COL4A4: variants seen among roughly 807,000 people sequenced by gnomAD.
COL4A4 encodes collagen type IV alpha 4 chain, also known as collagen alpha-4(IV) chain.
A neutral mutation model predicts 192.9 loss-of-function variants in COL4A4; 105 were observed. The observed-to-expected ratio is 0.54, with a 90% CI of 0.46 to 0.64. The LOEUF (loss-of-function observed/expected upper bound fraction) is 0.64, where lower values mean the gene tolerates loss of function less well. Ranked by LOEUF, COL4A4 falls within the 30% of genes least tolerant of loss-of-function variation. The probability of loss-of-function intolerance (pLI) is 0.00; values close to 1 mark genes in which losing one functional copy is unlikely to be tolerated. For missense variants in COL4A4, 1,967 were observed against 2,169.3 expected (o/e 0.91, Z 1.85); for synonymous variants, 762 against 769.9 (o/e 0.99, Z 0.17).
intron 4 of COL4A4, among the ~76,000 whole-genome samples, chr2:227,136,221 G>C (rs1285280940): frequency 6.6e-6 from 1 of 152,168 alleles, no homozygotes; most frequent in Non-Finnish European, 1.5e-5. Context: ...AGCAGGGCAG[G>C]ACAAGTACAG....
rs752632630 is a variant in COL4A4, at chr2:227,003,858, G to C, written c.*3467C>G. 66 of 152,144 alleles carry C rather than the reference G, an allele frequency of 4.3e-4. No homozygotes were observed. Among genetic ancestry groups the C allele is most frequent in the Middle Eastern group, 3.2e-3 (1 of 316 alleles). The allele number at this position is 152,144 out of a possible 1,614,324, so 9.4% of individuals were successfully genotyped here. On this transcript the variant is annotated 3_prime_UTR_variant, in exon 48 of 48. Transcript: ENST00000396625. ...AAAACAAAAATCTATTTTTGGAGGGGTGTGATAAGCCCATTTTGAAAGCTT... is the reference window on the plus strand; with the variant it reads ...AAAACAAAAATCTATTTTTGGAGGGCTGTGATAAGCCCATTTTGAAAGCTT...
downstream of COL4A4, among the ~76,000 whole-genome samples, chr2:227,002,168 CAAAAAAAAAA>C (rs55908824): frequency 5.3e-5 from 4 of 76,178 alleles, no homozygotes; most frequent in South Asian, 5.4e-4. Flanking sequence ...GACCCTGTCT[CAAAAAAAAAA>C]AAAAAAAAAA....
Position 227,003,016 on chromosome 2 carries a change from A to G in COL4A4, c.*4309T>C, listed in dbSNP as rs990918221. The G allele has an allele frequency of 6.6e-6, 1 of 152,638 alleles. No individual in the cohort carries two copies. Among genetic ancestry groups the G allele is most frequent in the African/African-American group, 2.4e-5 (1 of 41,448 alleles). The allele number at this position is 152,638 out of a possible 1,614,324, so 9.5% of individuals were successfully genotyped here. A position where few individuals can be genotyped will look rare whatever the true frequency, so the allele number is the denominator to read the frequency against. ...TTTCTAGCAGATGATAACAGTGACA[A>G]TTGCAGAGTACTGATTTTTAATGTC... On this transcript the variant is annotated 3_prime_UTR_variant, in exon 48 of 48. Transcript: ENST00000396625.
At position 227,008,112 on chromosome 2, in the gene COL4A4, G is replaced by A. The variant is rs121912863; in HGVS notation, c.4715C>T (p.Pro1572Leu). The A allele has an allele frequency of 1.4e-4, 219 of 1,613,954 alleles. 2 individuals are homozygous for A. The highest frequency in any genetic ancestry group is 1.1e-3 in the East Asian group (48 of 44,878). Residue 1572 changes from proline (P) to leucine (L), a missense_variant, in exon 47 of 48, where the codon CCG becomes CTG. Transcript: ENST00000396625. Reference sequence around the variant, plus strand: ...GCTGTGCACCGCCACCGCCTGGGCCGGGGCCTCGCATACCGCACAGCGGCT... The same window carrying A: ...GCTGTGCACCGCCACCGCCTGGGCCAGGGCCTCGCATACCGCACAGCGGCT... Reference protein sequence around the residue: ...YVSRCAVCEAPAQAVAVHSQD... With the variant: ...YVSRCAVCEALAQAVAVHSQD...
intron 26 of COL4A4, among the ~76,000 whole-genome samples, chr2:227,061,484 A>G (rs1041155758): frequency 6.6e-5 from 10 of 152,150 alleles, no homozygotes; most frequent in African/African-American, 2.4e-4. Context: ...GCATGTTGCA[A>G]CCCCAAACCT....
intron 17 of COL4A4, among the ~76,000 whole-genome samples, chr2:227,100,116 T>C (rs2150754073): frequency 6.6e-6 from 1 of 152,356 alleles, no homozygotes; most frequent in East Asian, 1.9e-4. Context: ...GTTCCTTTAA[T>C]GCCACCATGG....
At position 227,005,980 on chromosome 2, in the gene COL4A4, CT is replaced by C. The variant is rs1247872551; in HGVS notation, c.*1344del. Reference sequence around the variant, plus strand: ...ATTATAAATTGACACACATTCTAAACTTTTTTAGAAAATACTAATGCCAAAT... The same window carrying C: ...ATTATAAATTGACACACATTCTAAACTTTTTAGAAAATACTAATGCCAAAT... On this transcript the variant is annotated 3_prime_UTR_variant, in exon 48 of 48. Coordinates refer to ENST00000396625, the MANE Select transcript of COL4A4 (RefSeq NM_000092.5). 6.6e-6 allele frequency: 1 copy of C among 152,168 alleles called. No individual in the cohort carries two copies. The highest frequency in any genetic ancestry group is 1.5e-5 in the Non-Finnish European group (1 of 68,016). 9.4% of individuals were successfully genotyped at this position (152,168 alleles called of 1,614,324 possible). A position where few individuals can be genotyped will look rare whatever the true frequency, so the allele number is the denominator to read the frequency against.
At chr2:227,007,797 ACT>A (rs755166757) in intron 47 of COL4A4, among the ~76,000 whole-genome samples, 1 of 152,242 alleles carries the variant, frequency 6.6e-6, no homozygotes, top group African/African-American at 2.4e-5. Context: ...GCTGAAGCAA[ACT>A]CATCTTCTAA....
At position 227,150,299 on chromosome 2, in the gene COL4A4, C is replaced by T. The variant is rs75911282; in HGVS notation, c.-101-2715G>A. 7.3e-3 allele frequency among the ~76,000 whole-genome samples: 1,112 copies of T among 152,084 alleles called. 12 individuals carry two copies. The highest frequency in any genetic ancestry group is 0.026 in the African/African-American group (1,062 of 41,458). Reference sequence around the variant, plus strand: ...AGGATATCAAGTCACTTAATTCTTACCATGATTTAGTAAGGAAATTAATAT... The same window carrying T: ...AGGATATCAAGTCACTTAATTCTTATCATGATTTAGTAAGGAAATTAATAT... On this transcript the variant is annotated intron_variant, in intron 1 of 47. Transcript: ENST00000396625.
At chr2:227,098,661 T>C (rs1412077230) in intron 19 of COL4A4, 33 bp downstream of exon 19, 2 of 1,547,954 alleles carry the variant, frequency 1.3e-6, no homozygotes, top group Non-Finnish European at 1.8e-6. Flanking sequence ...AAATCTGACC[T>C]GTAAAAGCCA....
Position 227,050,088 on chromosome 2 carries a change from T to A in COL4A4, c.3194A>T (p.Asp1065Val). ...SPGPPGFSGI[D>V]GARGPKGNKG... is the part of the protein sequence containing the mutation. The stretch of plus-strand genomic sequence containing the variant: ...CATACCTTTAGGTCCTCTTGCTCCA[T>A]CAATTCCTGAAAATCCAGGGGGACC... Residue 1065 changes from aspartate to valine, a missense_variant, in exon 34 of 48, where the codon GAT (aspartate) becomes GTT (valine). Physicochemically the swap from Asp to Val is radical, Grantham distance 152 (BLOSUM62 -3). Transcript: ENST00000396625. 6.2e-7 allele frequency: 1 copy of A among 1,614,190 alleles called. No individual in the cohort carries two copies. The highest frequency in any genetic ancestry group is 8.5e-7 in the Non-Finnish European group (1 of 1,180,006).
intron 24 of COL4A4, 129 bp downstream of exon 24, chr2:227,080,314 G>A (rs2059255018): frequency 5.7e-6 from 5 of 872,518 alleles, no homozygotes; most frequent in Admixed American, 3.6e-5. Context: ...GGTGCCAAAA[G>A]TGACTCTGAT....
intron 12 of COL4A4, among the ~76,000 whole-genome samples, chr2:227,104,984 T>C (rs1162335569): frequency 2.0e-5 from 3 of 152,042 alleles, no homozygotes; most frequent in African/African-American, 7.2e-5. Context: ...TGTACATATG[T>C]GTATATATGT....
chr2:227,111,581 C>A, intron 9 of COL4A4, 97 bp downstream of exon 9: 1 of 1,338,808 alleles, frequency 7.5e-7, no homozygotes, highest in Non-Finnish European at 1.1e-6. Flanking sequence ...CTAGGTGAGC[C>A]GCACAAATTA....
chr2:226,988,513 G>A, the COL4A4 span: 2 of 1,517,572 alleles, frequency 1.3e-6, 1 homozygote, highest in South Asian at 2.6e-5. Flanking sequence ...TTGCGAGGTG[G>A]ATAGCAGCTG....
At chr2:226,983,586 T>C in the COL4A4 span, among the ~76,000 whole-genome samples, 1 of 152,188 alleles carries the variant, frequency 6.6e-6, no homozygotes, top group Non-Finnish European at 1.5e-5. Context: ...CAACTTTTTG[T>C]CCCTTTTCAA....
Position 227,056,003 on chromosome 2 carries a change from G to T in COL4A4, c.2658C>A (p.Leu886=), listed in dbSNP as rs543427821. The T allele has an allele frequency of 6.2e-7, 1 of 1,613,994 alleles. No homozygotes were observed. Among genetic ancestry groups the T allele is most frequent in the South Asian group, 1.1e-5 (1 of 91,062 alleles). ...CTCCAAAGGGACCTGGGATTCCTGG[G>T]AGGCCTGGGGGACCATGTGCCCCAG... ...GRPGAHGPPG[L]PGIPGPFGDD... Residue 886 remains leucine, a synonymous_variant, in exon 30 of 48, where the codon CTC becomes CTA. Transcript: ENST00000396625.
Position 227,121,098 on chromosome 2 carries a change from G to A in COL4A4, c.243C>T (p.Ala81=), listed in dbSNP as rs2061756782. ...CTCCTGAAAGCCCAATGGGTCCTGG[G>A]GCTCCCAGGGGTCCAATTGGACCCT... ...GPQGPIGPLG[A]PGPIGLSGEK... is the part of the protein sequence containing the mutation. Residue 81 remains alanine (A), a synonymous_variant, in exon 5 of 48, where the codon GCC becomes GCT. Coordinates refer to ENST00000396625, the MANE Select transcript of COL4A4 (RefSeq NM_000092.5). 1 of 1,614,138 alleles carries A rather than the reference G, an allele frequency of 6.2e-7. No homozygotes were observed. The highest frequency in any genetic ancestry group is 1.3e-5 in the African/African-American group (1 of 75,048).
At chr2:227,140,301 A>G (rs1449200897) in intron 3 of COL4A4, 63 bp from the exon 4 acceptor site, 6 of 1,341,350 alleles carry the variant, frequency 4.5e-6, no homozygotes, top group Non-Finnish European at 6.4e-6. Flanking sequence ...TGCATAACAC[A>G]TACATTATAA....
Sources: gnomAD v4.1 joint callset for allele counts (sites outside exome capture counted in the v4.1 genomes callset) on GRCh38, gnomAD v4.1.1 for gene constraint, MANE v1.5 for transcripts, NCBI Gene and HGNC (gene_info 2026-07-23, HGNC 2026-07-21) for gene names.